Variants in SNX29 observed in about 807,000 individuals in gnomAD.
SNX29 encodes sorting nexin 29, also known as sorting nexin-29.
Under a neutral mutation model 102.1 loss-of-function variants are expected in SNX29, and 78 were observed. The ratio of observed to expected loss-of-function variants is 0.76; its 90% CI spans 0.64 to 0.92. The LOEUF is 0.92. Ranked by LOEUF, SNX29 falls within the 40% of genes least tolerant of loss-of-function variation. The pLI, the probability that SNX29 is intolerant of heterozygous loss-of-function variation, is 0.00. For missense variants in SNX29, 1,280 were observed against 1,061.7 expected, an observed-to-expected ratio of 1.21 and a Z score of -2.86; for synonymous variants, 580 against 414.5, an observed-to-expected ratio of 1.40 and a Z score of -4.85.
At chr16:12,453,391 G>T (rs964174068) in intron 18 of SNX29, among the ~76,000 whole-genome samples, 2 of 152,118 alleles carry the variant, frequency 1.3e-5, no homozygotes, top group African/African-American at 2.4e-5. Context: ...CCTTACTGGC[G>T]GTGTGACCCT....
chr16:11,988,054 G>A (rs1278896536), intron 1 of SNX29, among the ~76,000 whole-genome samples: 3 of 152,178 alleles, frequency 2.0e-5, no homozygotes, highest in Non-Finnish European at 4.4e-5. Flanking sequence ...AGCACTTTGG[G>A]AGGCTGAGGC....
At chr16:12,161,773 C>A (rs114505343) in intron 13 of SNX29, among the ~76,000 whole-genome samples, 65,322 of 151,532 alleles carry the variant, frequency 0.43, 18,570 homozygotes, top group African/African-American at 0.82. Flanking sequence ...CCCTGCCCGC[C>A]CTTCTTCTCT....
intron 18 of SNX29, among the ~76,000 whole-genome samples, chr16:12,449,228 G>C (rs561992634): frequency 3.3e-5 from 5 of 152,128 alleles, no homozygotes; most frequent in African/African-American, 1.2e-4. Context: ...AAGTTGGGTA[G>C]AATTGAGGAG....
chr16:12,562,894 T>C (rs973324127), intron 20 of SNX29, among the ~76,000 whole-genome samples: 3 of 152,312 alleles, frequency 2.0e-5, no homozygotes, highest in Non-Finnish European at 4.4e-5. Flanking sequence ...TTTGGGAATT[T>C]GACGATGTGC....
At chr16:12,421,870 G>GC (rs1426691879) in intron 18 of SNX29, among the ~76,000 whole-genome samples, 1 of 150,496 alleles carries the variant, frequency 6.6e-6, no homozygotes, top group Non-Finnish European at 1.5e-5. Context: ...ACCATCACCA[G>GC]CCGTCCATCA....
chr16:12,059,577 C>T (rs1424146129), intron 8 of SNX29, among the ~76,000 whole-genome samples: 1 of 152,182 alleles, frequency 6.6e-6, no homozygotes, highest in Non-Finnish European at 1.5e-5. Flanking sequence ...TGGCCAAAAG[C>T]TAGAGAGGGC....
intron 11 of SNX29, among the ~76,000 whole-genome samples, chr16:12,121,463 C>CG (rs1189103035): frequency 6.6e-6 from 1 of 152,252 alleles, no homozygotes; most frequent in Non-Finnish European, 1.5e-5. Context: ...GCACTTCTCC[C>CG]GCTGGCCCTT....
At chr16:12,276,072 T>C (rs1596723926) in intron 14 of SNX29, among the ~76,000 whole-genome samples, 1 of 152,018 alleles carries the variant, frequency 6.6e-6, no homozygotes, top group Non-Finnish European at 1.5e-5. Flanking sequence ...TTTGTATTTT[T>C]AGTAGAGACA....
chr16:12,547,275 T>C (rs2077665396), intron 20 of SNX29, among the ~76,000 whole-genome samples: 2 of 152,074 alleles, frequency 1.3e-5, no homozygotes, highest in African/African-American at 4.8e-5. Flanking sequence ...CCTTGAAGAG[T>C]TGGCCCCTGG....
At chr16:12,345,170 GC>G (rs1389157299) in intron 15 of SNX29, among the ~76,000 whole-genome samples, 1 of 152,192 alleles carries the variant, frequency 6.6e-6, no homozygotes, top group Non-Finnish European at 1.5e-5. Context: ...TGTGCTCTGC[GC>G]TAGAGCTGTG....
intron 19 of SNX29, among the ~76,000 whole-genome samples, chr16:12,517,710 A>ACCCT (rs912574606): frequency 1.3e-5 from 2 of 152,164 alleles, no homozygotes; most frequent in African/African-American, 4.8e-5. Flanking sequence ...CTAGCAAGGG[A>ACCCT]GGTGGGGGAG....
intron 14 of SNX29, among the ~76,000 whole-genome samples, chr16:12,242,591 TTCTTCTTCTC>T (rs2078141917): frequency 6.6e-6 from 1 of 150,498 alleles, no homozygotes; most frequent in Admixed American, 6.6e-5. Context: ...TCTTCTTCTC[TTCTTCTTCTC>T]TTCTTCTTCT....
chr16:12,217,701 G>A (rs149716128), intron 14 of SNX29, among the ~76,000 whole-genome samples: 47 of 152,236 alleles, frequency 3.1e-4, no homozygotes, highest in Middle Eastern at 6.8e-3. Flanking sequence ...TGAATGATTG[G>A]ATTTACCATG....
intron 18 of SNX29, among the ~76,000 whole-genome samples, chr16:12,455,379 C>A (rs2086489457): frequency 1.3e-5 from 2 of 152,194 alleles, no homozygotes; most frequent in African/African-American, 2.4e-5. Flanking sequence ...GTCAGCCACA[C>A]ACCAGGCAAG....
At chr16:12,375,860 C>T (rs1054460004) in intron 16 of SNX29, 4 of 151,834 alleles carry the variant, frequency 2.6e-5, no homozygotes, top group Non-Finnish European at 5.9e-5. Context: ...GGTGAAGCCC[C>T]ATCTCTACTA....
intron 3 of SNX29, among the ~76,000 whole-genome samples, chr16:12,018,736 T>A (rs1286037310): frequency 2.6e-5 from 4 of 151,382 alleles, no homozygotes; most frequent in African/African-American, 9.7e-5. Flanking sequence ...TCTTTTACAC[T>A]TTTTTTTGTC....
In SNX29 at chr16:12,568,722, C is replaced by G; in HGVS notation, c.*93C>G. 1.3e-5 allele frequency: 19 copies of G among 1,515,674 alleles called. No individual in the cohort carries two copies. The highest frequency in any genetic ancestry group is 3.7e-5 in the South Asian group (3 of 81,370). The allele number at this position is 1,515,674 out of a possible 1,614,324, so 93.9% of individuals were successfully genotyped here. A position where few individuals can be genotyped will look rare whatever the true frequency, so the allele number is the denominator to read the frequency against. The stretch of plus-strand genomic sequence containing the variant: ...TGGCCCCTCACCTCAGCGTGACAAC[C>G]ACGTCCACCTGGTGATCCTGAGAGC... On this transcript the variant is annotated 3_prime_UTR_variant, in exon 21 of 21. Coordinates refer to ENST00000566228, the MANE Select transcript of SNX29 (RefSeq NM_032167.5).
chr16:12,013,500 A>AAAAAAAAAATATATATATATATATAT, intron 3 of SNX29, among the ~76,000 whole-genome samples: 1 of 31,630 alleles, frequency 3.2e-5, no homozygotes, highest in Non-Finnish European at 6.1e-5. Context: ...AAAAAAAAAA[A>AAAAAAAAAATATATATATATATATAT]ATATATATAT....
chr16:12,545,174 G>A (rs1337672820), intron 20 of SNX29, among the ~76,000 whole-genome samples: 3 of 152,146 alleles, frequency 2.0e-5, no homozygotes, highest in Non-Finnish European at 2.9e-5. Flanking sequence ...AGCCGTCAGA[G>A]AAACAAATAT....
Sources: allele counts gnomAD v4.1 joint callset (sites outside exome capture counted in the v4.1 genomes callset), GRCh38; gene constraint gnomAD v4.1.1; transcripts MANE v1.5; gene names NCBI Gene and HGNC (gene_info 2026-07-23, HGNC 2026-07-21).